Variants in EVC2 observed in about 807,000 individuals in gnomAD.
EVC2 encodes the protein limbin.
A neutral mutation model predicts 149.3 loss-of-function variants in EVC2; 148 were observed. The observed-to-expected ratio is 0.99, with a 90% CI of 0.87 to 1.14. The LOEUF (loss-of-function observed/expected upper bound fraction) is 1.14. Ranked by LOEUF, EVC2 falls within the 50% of genes most tolerant of loss-of-function variation. The pLI is 0.00. For synonymous variants in EVC2, 776 were observed against 649.9 expected (o/e 1.19, Z -2.95); for missense variants, 1,854 against 1,627.3 (o/e 1.14, Z -2.40).
At chr4:5,546,329 G>C (rs536369306) in intron 21 of EVC2, among the ~76,000 whole-genome samples, 1 of 152,138 alleles carries the variant, frequency 6.6e-6, no homozygotes, top group Admixed American at 6.5e-5. Flanking sequence ...GTCCAACAAC[G>C]ATAGACTGGA....
At chr4:5,561,450 T>A (rs1203989079), downstream of EVC2, among the ~76,000 whole-genome samples, 1 of 152,232 alleles carries the variant, frequency 6.6e-6, no homozygotes, top group African/African-American at 2.4e-5. Context: ...GCATTCAAAC[T>A]GCTTACCTGC....
chr4:5,689,235 C>A lies in EVC2; in HGVS notation c.628G>T (p.Ala210Ser). 1.2e-6 allele frequency: 2 copies of A among 1,614,228 alleles called. No individual in the cohort carries two copies. Among genetic ancestry groups the A allele is most frequent in the Non-Finnish European group, 1.7e-6 (2 of 1,180,038 alleles). ...LSELLLLDSI[A>S]GLTIWDSVGN... The stretch of plus-strand genomic sequence containing the variant: ...ACAGAGTCCCAAATGGTGAGACCAG[C>A]AATGCTGTCCAGCAAGAGCAGCTCC... Residue 210 changes from alanine (A) to serine (S), a missense_variant, in exon 5 of 22, where the codon GCT (alanine) becomes TCT (serine). Ala to Ser is a moderately conservative substitution (Grantham distance 99). Coordinates refer to ENST00000344408, the MANE Select transcript of EVC2 (RefSeq NM_147127.5).
At chr4:5,602,839 C>T (rs771018684) in intron 16 of EVC2, among the ~76,000 whole-genome samples, 10 of 151,996 alleles carry the variant, frequency 6.6e-5, no homozygotes, top group Non-Finnish European at 1.2e-4. Flanking sequence ...TAGATAATCC[C>T]AAATTACAGA....
At position 5,621,194 on chromosome 4, in the gene EVC2, A is replaced by G. The variant is rs145994462; in HGVS notation, c.2501+1343T>C. On this transcript the variant is annotated intron_variant, in intron 14 of 21. Coordinates refer to ENST00000344408, the MANE Select transcript of EVC2 (RefSeq NM_147127.5). The stretch of plus-strand genomic sequence containing the variant: ...GGATGAAAACTGTGTAGGAAAGGAA[A>G]GGACATTAAATCATGGAGGCCAGCA... Among the ~76,000 whole-genome samples the G allele has an allele frequency of 2.6e-5, 4 of 152,320 alleles. No individual in the cohort carries two copies. In the East Asian group the frequency reaches 7.7e-4, roughly 29 times the overall value.
chr4:5,668,987 G>A (rs1719455743), intron 7 of EVC2, among the ~76,000 whole-genome samples: 1 of 152,180 alleles, frequency 6.6e-6, no homozygotes, highest in Non-Finnish European at 1.5e-5. Flanking sequence ...ATGAGGAGAG[G>A]GAGATTTGTA....
chr4:5,640,929 G>T lies in EVC2; in HGVS notation c.1146-91C>A. On this transcript the variant is annotated intron_variant, in intron 9 of 21. Coordinates refer to ENST00000344408, the MANE Select transcript of EVC2 (RefSeq NM_147127.5). The surrounding 1 kb of genome is among the most constrained non-coding windows in gnomAD (Gnocchi z 4.6). ...AAAGCTCTGAGGTTTTCATTTATGT[G>T]TAGGCAAGGGCTTTCTTCGTCTTCC... is the stretch of plus-strand genomic sequence containing the variant. 2 of 1,425,286 alleles carry T rather than the reference G, an allele frequency of 1.4e-6. No individual in the cohort carries two copies. Among genetic ancestry groups the T allele is most frequent in the Non-Finnish European group, 2.0e-6 (2 of 1,016,076 alleles). 88.3% of individuals were successfully genotyped at this position (1,425,286 alleles called of 1,614,324 possible). A position where few individuals can be genotyped will look rare whatever the true frequency, so the allele number is the denominator to read the frequency against.
intron 19 of EVC2, among the ~76,000 whole-genome samples, chr4:5,571,453 T>TA (rs113238342): frequency 1.6e-4 from 23 of 146,006 alleles, no homozygotes; most frequent in Admixed American, 3.4e-4. Context: ...AATTAAAATA[T>TA]AAAAAAAAAA....
intron 9 of EVC2, among the ~76,000 whole-genome samples, chr4:5,642,462 T>G (rs1358146470): frequency 6.6e-6 from 1 of 152,206 alleles, no homozygotes; most frequent in African/African-American, 2.4e-5. Flanking sequence ...TGCAAAATAT[T>G]TTATCATGTG....
At chr4:5,616,860 C>G (rs1365246921) in intron 15 of EVC2, among the ~76,000 whole-genome samples, 3 of 152,194 alleles carry the variant, frequency 2.0e-5, no homozygotes, top group African/African-American at 7.2e-5. Flanking sequence ...CCATTTCCAT[C>G]TGAAAACCAA....
rs376238707 is a variant in EVC2, at chr4:5,622,742, G to A, written c.2296C>T (p.Arg766Cys). 60 of 1,613,864 alleles carry A rather than the reference G, an allele frequency of 3.7e-5. No homozygotes were observed. The highest frequency in any genetic ancestry group is 4.6e-5 in the Non-Finnish European group (54 of 1,180,028). Reference protein sequence around the residue: ...NSAMTQELLKRGVPWLFLQQI... With the variant: ...NSAMTQELLKCGVPWLFLQQI... ...TGCAGGAAGAGCCAGGGCACCCCAC[G>A]CTTGAGCAGCTCCTGGGTCATGGCT... is the stretch of plus-strand genomic sequence containing the variant. The change falls in exon 14 of 22, where the codon CGT becomes TGT. Residue 766 changes from arginine (R) to cysteine (C), a missense_variant. By Grantham distance (180) the Arg-to-Cys change is radical. Transcript: ENST00000344408. The surrounding 1 kb of genome is among the most constrained non-coding windows in gnomAD (Gnocchi z 5.8).
At chr4:5,540,515 C>T (rs1721492954), downstream of EVC2, among the ~76,000 whole-genome samples, 2 of 152,182 alleles carry the variant, frequency 1.3e-5, no homozygotes, top group South Asian at 4.1e-4. Context: ...ATACATGCGA[C>T]ATGTGGATGA....
intron 6 of EVC2, among the ~76,000 whole-genome samples, chr4:5,682,926 A>G (rs922825682): frequency 3.3e-4 from 50 of 151,614 alleles, no homozygotes; most frequent in East Asian, 1.2e-3. Context: ...TCAGCAACCC[A>G]TGTAATTCTC....
intron 7 of EVC2, among the ~76,000 whole-genome samples, chr4:5,671,813 A>G (rs1203132752): frequency 6.6e-6 from 1 of 152,200 alleles, no homozygotes; most frequent in African/African-American, 2.4e-5. Flanking sequence ...CCTGGCCTCA[A>G]ACAATATTTT....
Position 5,576,578 on chromosome 4 carries a change from T to G in EVC2, c.3058-124A>C. On this transcript the variant is annotated intron_variant, in intron 17 of 21. Coordinates refer to ENST00000344408, the MANE Select transcript of EVC2 (RefSeq NM_147127.5). The surrounding 1 kb of genome is among the most constrained non-coding windows in gnomAD (Gnocchi z 4.5). ...TGACTCTGTCTTGCCTGGTTCCCCA[T>G]CCAGCTGTGCCACATGGTGCAATGT... The G allele has an allele frequency of 6.6e-7, 1 of 1,511,986 alleles. No individual in the cohort carries two copies. Among genetic ancestry groups the G allele is most frequent in the Non-Finnish European group, 8.9e-7 (1 of 1,128,030 alleles). The allele number at this position is 1,511,986 out of a possible 1,614,324, so 93.7% of individuals were successfully genotyped here. A position where few individuals can be genotyped will look rare whatever the true frequency, so the allele number is the denominator to read the frequency against.
At chr4:5,655,542 G>C (rs574085354) in intron 9 of EVC2, among the ~76,000 whole-genome samples, 1 of 152,194 alleles carries the variant, frequency 6.6e-6, no homozygotes, top group East Asian at 1.9e-4. Context: ...AAGTCTTAAT[G>C]GCCCTTTAGA....
At chr4:5,702,811 T>A (rs1372484898) in intron 1 of EVC2, among the ~76,000 whole-genome samples, 1 of 152,172 alleles carries the variant, frequency 6.6e-6, no homozygotes, top group Admixed American at 6.5e-5. Context: ...GTTAGACAAG[T>A]CTGGGTGGAC....
Position 5,637,662 on chromosome 4 carries a change from G to A in EVC2, c.1470+2852C>T, listed in dbSNP as rs1486318594. On this transcript the variant is annotated intron_variant, in intron 10 of 21. Transcript: ENST00000344408. The surrounding 1 kb of genome is among the most constrained non-coding windows in gnomAD (Gnocchi z 4.4). ...ATAAAAATAAATGGATAAAGCAAAAGGCTAAAATGTATGCTGGCAACTGAG... is the reference window on the plus strand; with the variant it reads ...ATAAAAATAAATGGATAAAGCAAAAAGCTAAAATGTATGCTGGCAACTGAG... Among the ~76,000 whole-genome samples, 2 of 152,156 alleles carry A rather than the reference G, an allele frequency of 1.3e-5. No individual in the cohort carries two copies. The highest frequency in any genetic ancestry group is 4.8e-5 in the African/African-American group (2 of 41,430).
intron 3 of EVC2, among the ~76,000 whole-genome samples, chr4:5,693,686 C>T (rs916323000): frequency 6.6e-6 from 1 of 152,238 alleles, no homozygotes; most frequent in Non-Finnish European, 1.5e-5. Context: ...AACATCACTA[C>T]TTAGCAGGGA....
At chr4:5,688,097 G>A (rs1038425935) in intron 5 of EVC2, among the ~76,000 whole-genome samples, 7 of 152,140 alleles carry the variant, frequency 4.6e-5, no homozygotes, top group African/African-American at 1.7e-4. Flanking sequence ...AAGCACTGAA[G>A]GTCACTTAGC....
Sources: gnomAD v4.1 joint callset for allele counts (sites outside exome capture counted in the v4.1 genomes callset) on GRCh38, gnomAD v4.1.1 for gene constraint, Gnocchi (gnomAD v3.1) non-coding constraint, MANE v1.5 for transcripts, NCBI Gene and HGNC (gene_info 2026-07-23, HGNC 2026-07-21) for gene names.